The following RAB33B variants were observed in gnomAD, a reference collection of about 807,000 sequenced individuals.
RAB33B encodes ras-related protein Rab-33B.
Under a neutral mutation model 15.0 loss-of-function variants are expected in RAB33B, and 6 were observed. The ratio of observed to expected loss-of-function variants is 0.40; its 90% CI spans 0.22 to 0.79. The LOEUF is 0.79. Among genes scored for constraint, RAB33B ranks in the 30% least tolerant of loss-of-function variants. RAB33B has a pLI of 0.37. For synonymous variants in RAB33B, 117 were observed against 108.3 expected (o/e 1.08, Z -0.50); for missense variants, 257 against 296.4 (o/e 0.87, Z 0.98).
At chr4:139,462,141 C>T (rs183554227) in intron 1 of RAB33B, among the ~76,000 whole-genome samples, 307 of 151,168 alleles carry the variant, frequency 2.0e-3, no homozygotes, top group Non-Finnish European at 3.6e-3. Flanking sequence ...GCAAGCTCCG[C>T]CTCCCGGGTT....
chr4:139,451,319 G>T (rs532064871), upstream of RAB33B: 1 of 150,524 alleles, frequency 6.6e-6, no homozygotes, highest in South Asian at 2.1e-4. Flanking sequence ...TCCAGCCTCA[G>T]CCTCCTGAGT....
At chr4:139,445,116 G>A in the RAB33B span, among the ~76,000 whole-genome samples, 1 of 152,220 alleles carries the variant, frequency 6.6e-6, no homozygotes, top group African/African-American at 2.4e-5. Flanking sequence ...TGTATCAGAT[G>A]CGGTTTCACT....
At chr4:139,458,999 C>A (rs1467496909) in intron 1 of RAB33B, among the ~76,000 whole-genome samples, 4 of 152,084 alleles carry the variant, frequency 2.6e-5, no homozygotes, top group Non-Finnish European at 4.4e-5. Flanking sequence ...ACATTTCTCT[C>A]ATGATTAGTG....
upstream of RAB33B, chr4:139,451,041 AAAG>A (rs201903510): frequency 0.2 from 30,796 of 151,642 alleles, 3,438 homozygotes; most frequent in Non-Finnish European, 0.26. Flanking sequence ...AGCTGGGATT[AAAG>A]GCACCTGGCA....
intron 1 of RAB33B, among the ~76,000 whole-genome samples, chr4:139,469,718 C>G (rs1328633311): frequency 6.6e-6 from 1 of 152,110 alleles, no homozygotes; most frequent in African/African-American, 2.4e-5. Flanking sequence ...TACCCTAAGC[C>G]CAGTAACACT....
Position 139,476,278 on chromosome 4 carries a change from G to C in RAB33B, c.*3152G>C, listed in dbSNP as rs528086891. On this transcript the variant is annotated 3_prime_UTR_variant, in exon 2 of 2. Coordinates refer to ENST00000305626, the MANE Select transcript of RAB33B (RefSeq NM_031296.3). The stretch of plus-strand genomic sequence containing the variant: ...TAACTATAGAAAGTATGAGAAAAGA[G>C]AACGAACTACGTCTCAGGTATAAGA... The C allele has an allele frequency of 3.0e-4, 46 of 152,324 alleles. No homozygotes were observed. Among genetic ancestry groups the C allele is most frequent in the African/African-American group, 1.1e-3 (44 of 41,574 alleles). The allele number at this position is 152,324 out of a possible 1,614,324, so 9.4% of individuals were successfully genotyped here. A position where few individuals can be genotyped will look rare whatever the true frequency, so the allele number is the denominator to read the frequency against.
At position 139,474,697 on chromosome 4, in the gene RAB33B, G is replaced by GT. The variant is rs1381906739; in HGVS notation, c.*1577dup. 1.3e-5 allele frequency: 2 copies of GT among 152,586 alleles called. No homozygotes were observed. Among genetic ancestry groups the GT allele is most frequent in the African/African-American group, 4.8e-5 (2 of 41,458 alleles). 9.5% of individuals were successfully genotyped at this position (152,586 alleles called of 1,614,324 possible). ...AGTGATGGAAAGAATATTTCAAGAA[G>GT]TTTTTTAACCTAAATACTTTTATTT... is the stretch of plus-strand genomic sequence containing the variant. On this transcript the variant is annotated 3_prime_UTR_variant, in exon 2 of 2. Coordinates refer to ENST00000305626, the MANE Select transcript of RAB33B (RefSeq NM_031296.3).
At chr4:139,446,393 A>C in the RAB33B span, among the ~76,000 whole-genome samples, 1 of 152,218 alleles carries the variant, frequency 6.6e-6, no homozygotes, top group African/African-American at 2.4e-5. Flanking sequence ...AGTGGGCAGA[A>C]CTTTAAGCAG....
upstream of RAB33B, chr4:139,449,079 C>T (rs1265419079): frequency 6.6e-6 from 1 of 151,128 alleles, no homozygotes; most frequent in East Asian, 2.0e-4. Flanking sequence ...AGGTTGAGAC[C>T]CTCTATTACT....
At chr4:139,447,918 C>T in the RAB33B span, among the ~76,000 whole-genome samples, 1 of 151,902 alleles carries the variant, frequency 6.6e-6, no homozygotes, top group Non-Finnish European at 1.5e-5. Context: ...CTGCCCGCCT[C>T]GGCCTCCCAA....
chr4:139,459,935 T>G (rs1750141141), intron 1 of RAB33B, among the ~76,000 whole-genome samples: 1 of 152,184 alleles, frequency 6.6e-6, no homozygotes, highest in South Asian at 2.1e-4. Context: ...CCGGCCTAGT[T>G]CAGTTCTTAA....
intron 1 of RAB33B, among the ~76,000 whole-genome samples, chr4:139,457,371 C>A (rs1750089195): frequency 6.6e-6 from 1 of 152,136 alleles, no homozygotes; most frequent in Non-Finnish European, 1.5e-5. Context: ...TGTGTATATC[C>A]CCTTCATGAC....
intron 1 of RAB33B, among the ~76,000 whole-genome samples, chr4:139,468,873 T>C (rs920438371): frequency 6.6e-6 from 1 of 152,234 alleles, no homozygotes; most frequent in African/African-American, 2.4e-5. Flanking sequence ...CTTGGAAATA[T>C]ATCATGCCAC....
Position 139,454,241 on chromosome 4 carries a change from A to G in RAB33B, c.46A>G (p.Ser16Gly), listed in dbSNP as rs1449868596. ...ESSLEASFSSSGAVSGASGFL... is the reference protein window; with the variant it reads ...ESSLEASFSSGGAVSGASGFL... ...GTCGCTCGAGGCAAGCTTTTCGTCC[A>G]GCGGGGCAGTGTCAGGGGCCTCAGG... The change falls in exon 1 of 2, where the codon AGC becomes GGC. Residue 16 changes from serine to glycine, a missense_variant. Ser to Gly is a moderately conservative substitution (Grantham distance 56, BLOSUM62 0). Transcript: ENST00000305626. 1 of 1,613,992 alleles carries G rather than the reference A, an allele frequency of 6.2e-7. No individual in the cohort carries two copies. The highest frequency in any genetic ancestry group is 8.5e-7 in the Non-Finnish European group (1 of 1,180,006).
intron 1 of RAB33B, among the ~76,000 whole-genome samples, chr4:139,470,705 TGCCA>T (rs1290280706): frequency 6.6e-6 from 1 of 152,190 alleles, no homozygotes; most frequent in Non-Finnish European, 1.5e-5. Flanking sequence ...TGCCTGGGTA[TGCCA>T]GCTGTTTTTT....
chr4:139,461,474 T>C (rs1425416936), intron 1 of RAB33B, among the ~76,000 whole-genome samples: 1 of 152,150 alleles, frequency 6.6e-6, no homozygotes, highest in Non-Finnish European at 1.5e-5. Flanking sequence ...AATTATTACA[T>C]AGGGTTGCAT....
chr4:139,454,012 C>G, upstream of RAB33B: 1 of 613,120 alleles, frequency 1.6e-6, no homozygotes, highest in Non-Finnish European at 2.6e-6. Context: ...CGGGCGGGTG[C>G]CACACCTGTG....
chr4:139,472,945 A>T lies in RAB33B; in HGVS notation c.509A>T (p.His170Leu). The T allele has an allele frequency of 1.2e-6, 2 of 1,614,192 alleles. No homozygotes were observed. Among genetic ancestry groups the T allele is most frequent in the Non-Finnish European group, 1.7e-6 (2 of 1,180,026 alleles). Residue 170 changes from histidine to leucine, a missense_variant, in exon 2 of 2, where the codon CAC becomes CTC. His to Leu is a moderately conservative substitution (Grantham distance 99). Transcript: ENST00000305626. ...TTGGCACAAAAATTTGCTGACACAC[A>T]CAGTATGCCTTTGTTTGAAACGTCT... ...TDLAQKFADT[H>L]SMPLFETSAK...
chr4:139,462,653 G>T (rs2111076592), intron 1 of RAB33B, among the ~76,000 whole-genome samples: 1 of 152,264 alleles, frequency 6.6e-6, no homozygotes, highest in South Asian at 2.1e-4. Flanking sequence ...TTTGTATGTG[G>T]AGTAGAAATG....
Sources: gnomAD v4.1 joint callset for allele counts (sites outside exome capture counted in the v4.1 genomes callset) on GRCh38, gnomAD v4.1.1 for gene constraint, MANE v1.5 for transcripts, NCBI Gene and HGNC (gene_info 2026-07-23, HGNC 2026-07-21) for gene names.